CCNJ: variants seen among roughly 807,000 people sequenced by gnomAD.
CCNJ encodes the protein cyclin J.
A neutral mutation model predicts 41.4 loss-of-function variants in CCNJ; 12 were observed. The ratio of observed to expected loss-of-function variants is 0.29; its 90% confidence interval spans 0.19 to 0.47. CCNJ has a LOEUF of 0.47. Ranked by LOEUF, CCNJ falls within the 20% of genes least tolerant of loss-of-function variation. The pLI is 1.00. For synonymous variants in CCNJ, 161 were observed against 173.4 expected (o/e 0.93, Z 0.56); for missense variants, 340 against 464.6 (o/e 0.73, Z 2.47).
In CCNJ at chr10:96,058,735, C is replaced by T. The variant is rs1462869485; in HGVS notation, c.*494C>T. ...TTTTGTTCTACACATGAATTTTTGA[C>T]TAAGTTTAAACTCATGAATTGTTAT... On this transcript the variant is annotated 3_prime_UTR_variant, in exon 6 of 6. Coordinates refer to ENST00000465148, the MANE Select transcript of CCNJ (RefSeq NM_001134375.2). 1.9e-5 allele frequency: 7 copies of T among 376,574 alleles called. No individual in the cohort carries two copies. 23.3% of individuals were successfully genotyped at this position (376,574 alleles called of 1,614,324 possible). A position where few individuals can be genotyped will look rare whatever the true frequency, so the allele number is the denominator to read the frequency against.
chr10:96,053,339 A>C (rs1476868619), intron 3 of CCNJ, among the ~76,000 whole-genome samples: 1 of 152,188 alleles, frequency 6.6e-6, no homozygotes. Flanking sequence ...ATACCTTACA[A>C]AGTTGTTCTG....
Position 96,047,509 on chromosome 10 carries a change from G to A in CCNJ, c.70-2747G>A, listed in dbSNP as rs557268280. Among the ~76,000 whole-genome samples, 224 of 152,238 alleles carry A rather than the reference G, an allele frequency of 1.5e-3. 1 individual carries two copies. The highest frequency in any genetic ancestry group is 2.4e-3 in the Non-Finnish European group (166 of 68,012). ...AGAAACTAACTGGGCGTGGCAGTGA[G>A]CGCTTGTAGTCCCAGCTACTCCAGA... On this transcript the variant is annotated intron_variant, in intron 2 of 5. Transcript: ENST00000465148.
chr10:96,052,780 C>T (rs1447365349), intron 3 of CCNJ, among the ~76,000 whole-genome samples: 3 of 152,160 alleles, frequency 2.0e-5, no homozygotes, highest in African/African-American at 7.2e-5. Context: ...CTCCTGATTT[C>T]CCTTTCCTTG....
intron 3 of CCNJ, among the ~76,000 whole-genome samples, chr10:96,053,020 T>G (rs1253354378): frequency 6.6e-6 from 1 of 152,208 alleles, no homozygotes; most frequent in Non-Finnish European, 1.5e-5. Context: ...GAGCTTAGGA[T>G]TCTTATAAAC....
At chr10:96,053,458 G>A (rs2080589121) in intron 3 of CCNJ, among the ~76,000 whole-genome samples, 1 of 152,176 alleles carries the variant, frequency 6.6e-6, no homozygotes, top group Admixed American at 6.5e-5. Flanking sequence ...CCTTTAGCCT[G>A]CCTCCTTTAC....
Position 96,050,448 on chromosome 10 carries a change from T to C in CCNJ, c.262T>C (p.Ser88Pro). 1 of 1,613,830 alleles carries C rather than the reference T, an allele frequency of 6.2e-7. No homozygotes were observed. The highest frequency in any genetic ancestry group is 8.5e-7 in the Non-Finnish European group (1 of 1,179,698). ...CCAGCAGCTGCATTTAGTTGCGCTT[T>C]CCTGCCTGCTTCTAGCAAGTAAGTA... ...SIQQLHLVAL[S>P]CLLLASKFEE... is the part of the protein sequence containing the mutation. Residue 88 changes from serine (S) to proline (P), a missense_variant, in exon 3 of 6, where the codon TCC becomes CCC. Physicochemically the swap from Ser to Pro is moderately conservative, Grantham distance 74. This residue lies in a region of CCNJ where 137 missense variants were observed against 252.9 expected (regional missense o/e 0.54). Coordinates refer to ENST00000465148, the MANE Select transcript of CCNJ (RefSeq NM_001134375.2).
intron 5 of CCNJ, 95 bp from the exon 6 acceptor site, chr10:96,057,735 G>C: frequency 9.0e-7 from 1 of 1,113,076 alleles, no homozygotes; most frequent in Non-Finnish European, 1.3e-6. Flanking sequence ...TAGTGGTGGT[G>C]GAAGAAGCTG....
intron 2 of CCNJ, among the ~76,000 whole-genome samples, chr10:96,044,937 G>A (rs1263510074): frequency 3.9e-5 from 6 of 152,258 alleles, no homozygotes; most frequent in African/African-American, 1.2e-4. Flanking sequence ...AATAATGAGT[G>A]TGCCTTATGA....
In CCNJ at chr10:96,044,330, C is replaced by G. The variant is rs531056792; in HGVS notation, c.-41-23C>G. On this transcript the variant is annotated intron_variant, in intron 1 of 5. Coordinates refer to ENST00000465148, the MANE Select transcript of CCNJ (RefSeq NM_001134375.2). Reference sequence around the variant, plus strand: ...GGGTCGCGGGGGAGCCGGCAGTGACCGCGCCTGGGGTGTGTCTTACAGACT... The same window carrying G: ...GGGTCGCGGGGGAGCCGGCAGTGACGGCGCCTGGGGTGTGTCTTACAGACT... 1.7e-4 allele frequency: 228 copies of G among 1,316,098 alleles called. No homozygotes were observed. The African/African-American group carries it at 3.2e-3, about 18-fold the overall frequency. The allele number at this position is 1,316,098 out of a possible 1,614,324, so 81.5% of individuals were successfully genotyped here.
intron 3 of CCNJ, among the ~76,000 whole-genome samples, chr10:96,054,466 T>A (rs185053452): frequency 6.6e-6 from 1 of 152,340 alleles, no homozygotes; most frequent in Non-Finnish European, 1.5e-5. Context: ...GAACCCTGAA[T>A]TAAAACCCCA....
rs746399536 is a variant in CCNJ at position 96,057,845 on chromosome 10, T to C, written c.756T>C (p.Asp252=). 5 of 1,613,820 alleles carry C rather than the reference T, an allele frequency of 3.1e-6. No individual in the cohort carries two copies. Among genetic ancestry groups the C allele is most frequent in the Non-Finnish European group, 4.2e-6 (5 of 1,179,844 alleles). The change falls in exon 6 of 6, where the codon GAT becomes GAC. Residue 252 remains aspartate (D), a synonymous_variant. Coordinates refer to ENST00000465148, the MANE Select transcript of CCNJ (RefSeq NM_001134375.2). ...IERLLIAHDN[D]VKEANKQRGQ... ...CACGTTTCAGCGCTCATGATAATGATGTGAAAGAAGCAAACAAACAGAGAG... is the reference window on the plus strand; with the variant it reads ...CACGTTTCAGCGCTCATGATAATGACGTGAAAGAAGCAAACAAACAGAGAG...
rs543468071 is a variant in CCNJ at position 96,056,288 on chromosome 10, G to A, written c.281-413G>A. ...CACGCCACTGCACTCCAGCCTGGGC[G>A]ACAGAGCAAGACTCCATCTCAAAAA... On this transcript the variant is annotated intron_variant, in intron 3 of 5. Transcript: ENST00000465148. Among the ~76,000 whole-genome samples, 12 of 149,372 alleles carry A rather than the reference G, an allele frequency of 8.0e-5. No homozygotes were observed. In the East Asian group the frequency reaches 1.2e-3, roughly 15 times the overall value.
chr10:96,052,698 G>C (rs2080563425), intron 3 of CCNJ, among the ~76,000 whole-genome samples: 1 of 152,184 alleles, frequency 6.6e-6, no homozygotes, highest in African/African-American at 2.4e-5. Context: ...ATCTGTATTT[G>C]CTGGGGTTCA....
rs368225516 is a variant in CCNJ at position 96,044,346 on chromosome 10, C to A, written c.-41-7C>A. ...GGCAGTGACCGCGCCTGGGGTGTGT[C>A]TTACAGACTCGAGTTGCCGCGTCGG... On this transcript the variant is annotated splice_polypyrimidine_tract_variant and splice_region_variant and intron_variant, in intron 1 of 5. Coordinates refer to ENST00000465148, the MANE Select transcript of CCNJ (RefSeq NM_001134375.2). 2.0e-6 allele frequency: 3 copies of A among 1,467,342 alleles called. No homozygotes were observed. The highest frequency in any genetic ancestry group is 1.4e-5 in the South Asian group (1 of 72,610). The allele number at this position is 1,467,342 out of a possible 1,614,324, so 90.9% of individuals were successfully genotyped here.
upstream of CCNJ, chr10:96,043,326 C>A (rs1028987669): frequency 6.2e-5 from 20 of 320,910 alleles, no homozygotes; most frequent in Admixed American, 9.9e-5. Flanking sequence ...ATCAGGCCGG[C>A]TTCGCAGTAG....
chr10:96,045,682 C>CTTT (rs34579425), intron 2 of CCNJ, among the ~76,000 whole-genome samples: 35 of 143,856 alleles, frequency 2.4e-4, no homozygotes, highest in African/African-American at 8.9e-4. Flanking sequence ...CACTTTTGAT[C>CTTT]TTTTTTTTTT....
chr10:96,043,399 G>A (rs935832206), upstream of CCNJ: 4 of 364,396 alleles, frequency 1.1e-5, no homozygotes, highest in African/African-American at 6.3e-5. Context: ...CGCGCCGTGC[G>A]GGATGCTGAC....
At chr10:96,056,323 C>T (rs1198850170) in intron 3 of CCNJ, among the ~76,000 whole-genome samples, 1 of 150,456 alleles carries the variant, frequency 6.6e-6, no homozygotes, top group African/African-American at 2.4e-5. Context: ...AAAAAAAAAA[C>T]TATCTTCTAC....
At chr10:96,051,593 T>C (rs1206865160) in intron 3 of CCNJ, among the ~76,000 whole-genome samples, 2 of 152,150 alleles carry the variant, frequency 1.3e-5, no homozygotes, top group Admixed American at 1.3e-4. Context: ...CCTCTAACTC[T>C]CCCTTGAGGT....
Sources: gnomAD v4.1 joint callset for allele counts (sites outside exome capture counted in the v4.1 genomes callset) on GRCh38, gnomAD v4.1.1 for gene constraint, gnomAD v4.1.1 regional missense constraint, MANE v1.5 for transcripts, NCBI Gene and HGNC (gene_info 2026-07-23, HGNC 2026-07-21) for gene names.